Variants in BCL2L14 observed in about 807,000 individuals in gnomAD.
The protein encoded by BCL2L14 is BCL2 like 14.
BCL2L14 carries 27 observed loss-of-function variants against 35.3 expected under a neutral mutation model. The ratio of observed to expected loss-of-function variants is 0.76; its 90% CI spans 0.56 to 1.05. BCL2L14 has a LOEUF of 1.05. Among genes scored for constraint, BCL2L14 ranks in the 50% least tolerant of loss-of-function variants. BCL2L14 has a pLI of 0.00. For synonymous variants in BCL2L14, 139 were observed against 145.9 expected, an observed-to-expected ratio of 0.95 and a Z score of 0.34; for missense variants, 377 against 382.6, an observed-to-expected ratio of 0.99 and a Z score of 0.12.
intron 2 of BCL2L14, chr12:12,055,497 AGACCCGC>A (rs1948417925): frequency 6.6e-6 from 1 of 152,172 alleles, no homozygotes; most frequent in Non-Finnish European, 1.5e-5. Flanking sequence ...ACGGTTTTTG[AGACCCGC>A]CAACTTGCTG....
chr12:12,065,026 A>G (rs1478569082), intron 2 of BCL2L14, among the ~76,000 whole-genome samples: 1 of 152,228 alleles, frequency 6.6e-6, no homozygotes, highest in Non-Finnish European at 1.5e-5. Flanking sequence ...ATAGGGGAGA[A>G]GAAAATTTAT....
At chr12:12,064,580 G>A (rs1162220578) in intron 2 of BCL2L14, among the ~76,000 whole-genome samples, 2 of 152,138 alleles carry the variant, frequency 1.3e-5, no homozygotes, top group African/African-American at 2.4e-5. Context: ...ACAACAGCAT[G>A]CCTATCTTTA....
chr12:12,064,715 C>T (rs576089578), intron 2 of BCL2L14, among the ~76,000 whole-genome samples: 2 of 152,304 alleles, frequency 1.3e-5, no homozygotes, highest in Admixed American at 6.5e-5. Flanking sequence ...GCCTCTTTGT[C>T]AGCCAAATGC....
At chr12:12,056,617 T>G (rs915830040) in intron 2 of BCL2L14, among the ~76,000 whole-genome samples, 1 of 152,216 alleles carries the variant, frequency 6.6e-6, no homozygotes, top group Non-Finnish European at 1.5e-5. Context: ...GCGGATCAAC[T>G]GAGGTCAGGA....
chr12:12,080,952 G>A lies in BCL2L14; in HGVS notation c.433+1214G>A, dbSNP rs187037602. On this transcript the variant is annotated intron_variant, in intron 2 of 5. Transcript: ENST00000308721. ...TAATCCCAGCACTTTGGGAGGCCAAGGTGGGTGGATCGGTTGAGCTCAGGA... is the reference window on the plus strand; with the variant it reads ...TAATCCCAGCACTTTGGGAGGCCAAAGTGGGTGGATCGGTTGAGCTCAGGA... 3.3e-5 allele frequency among the ~76,000 whole-genome samples: 5 copies of A among 152,324 alleles called. No homozygotes were observed. The East Asian group carries it at 7.7e-4, about 23-fold the overall frequency.
At chr12:12,052,466 T>C (rs1030953973) in intron 2 of BCL2L14, among the ~76,000 whole-genome samples, 1 of 152,244 alleles carries the variant, frequency 6.6e-6, no homozygotes, top group African/African-American at 2.4e-5. Context: ...AGTGAGATCG[T>C]GCAATATTTG....
chr12:12,096,229 T>C (rs1949309044), intron 5 of BCL2L14: 7 of 891,566 alleles, frequency 7.9e-6, no homozygotes, highest in Non-Finnish European at 9.4e-6. Context: ...GTCCTCTTAA[T>C]ATATTTTCTC....
chr12:12,061,509 AAGTT>A (rs1948525692), intron 2 of BCL2L14, among the ~76,000 whole-genome samples: 1 of 1,074 alleles, frequency 9.3e-4, no homozygotes, highest in Non-Finnish European at 4.5e-3. Context: ...CAAGCCTTAC[AAGTT>A]AGTTCAGGAT....
intron 1 of BCL2L14, chr12:12,050,034 T>C (rs1948324543): frequency 6.6e-6 from 1 of 152,150 alleles, no homozygotes; most frequent in South Asian, 2.1e-4. Context: ...TAAAATTTAA[T>C]GTGTGAAGGA....
At position 12,060,530 on chromosome 12, in the gene BCL2L14, A is replaced by T. The variant is rs1267540816; in HGVS notation, c.-272+8683A>T. On this transcript the variant is annotated intron_variant, in intron 2 of 3. Transcript: ENST00000461264. ...AACCTCGCCTTCAAGGTGTACAATA[A>T]TAGAAAAAAGTTGCAATTCCTTGCC... is the stretch of plus-strand genomic sequence containing the variant. Among the ~76,000 whole-genome samples the T allele has an allele frequency of 2.0e-5, 2 of 99,568 alleles. 1 individual carries two copies. The highest frequency in any genetic ancestry group is 4.2e-5 in the Non-Finnish European group (2 of 47,152). The allele number at this position is 99,568 out of a possible 152,430, so 65.3% of individuals were successfully genotyped here. A position where few individuals can be genotyped will look rare whatever the true frequency, so the allele number is the denominator to read the frequency against.
At chr12:12,052,120 T>C (rs1948365938) in intron 2 of BCL2L14, among the ~76,000 whole-genome samples, 1 of 152,202 alleles carries the variant, frequency 6.6e-6, no homozygotes, top group African/African-American at 2.4e-5. Flanking sequence ...TAACAAGTAG[T>C]AATAATACAT....
chr12:12,086,259 A>T (rs1234546486), intron 2 of BCL2L14, among the ~76,000 whole-genome samples: 1 of 152,196 alleles, frequency 6.6e-6, no homozygotes, highest in Non-Finnish European at 1.5e-5. Context: ...TCCAAGCTGC[A>T]GTGAGCTGTG....
Position 12,094,852 on chromosome 12 carries a change from G to T in BCL2L14, c.867G>T (p.Pro289=). Residue 289 remains proline (P), a synonymous_variant, in exon 5 of 6, where the codon CCG becomes CCT. Coordinates refer to ENST00000308721, the MANE Select transcript of BCL2L14 (RefSeq NM_138723.2). ...AGCTCACAGCTATTGACAACCACCC[G>T]ATGAACAGGGTCCTGGGCTTTGGCA... ...TAKLTAIDNH[P]MNRVLGFGTK... The T allele has an allele frequency of 6.2e-7, 1 of 1,614,172 alleles. No homozygotes were observed. Among genetic ancestry groups the T allele is most frequent in the Non-Finnish European group, 8.5e-7 (1 of 1,180,046 alleles).
intron 3 of BCL2L14, 103 bp from the exon 4 acceptor site, chr12:12,090,676 T>G: frequency 1.3e-6 from 1 of 755,532 alleles, no homozygotes; most frequent in Non-Finnish European, 2.1e-6. Context: ...AGCATGCCTC[T>G]TCCTCCAGCC....
At chr12:12,087,498 G>A in intron 3 of BCL2L14, 112 bp downstream of exon 3, 2 of 1,197,840 alleles carry the variant, frequency 1.7e-6, no homozygotes, top group Non-Finnish European at 2.4e-6. Flanking sequence ...CCTGGACTGA[G>A]GGCTTGACAG....
chr12:12,090,718 G>GA, intron 3 of BCL2L14, 61 bp from the exon 4 acceptor site: 1 of 1,399,984 alleles, frequency 7.1e-7, no homozygotes, highest in African/African-American at 1.4e-5. Context: ...ATTGTCCCTG[G>GA]AAAAATGTAA....
chr12:12,059,942 C>T (rs1187230155), intron 2 of BCL2L14, among the ~76,000 whole-genome samples: 1 of 151,994 alleles, frequency 6.6e-6, no homozygotes, highest in Non-Finnish European at 1.5e-5. Context: ...CACATCCGTC[C>T]CTCTCTAGTC....
intron 2 of BCL2L14, among the ~76,000 whole-genome samples, chr12:12,054,394 C>T (rs1357980807): frequency 2.0e-5 from 3 of 151,280 alleles, no homozygotes; most frequent in African/African-American, 4.9e-5. Flanking sequence ...ATCCCAGTTA[C>T]TTGGGAGGCT....
rs189199562 is a variant in BCL2L14 at position 12,072,789 on chromosome 12, G to A, written c.-8+1652G>A. ...TGATAATACTCGATCGCTGCTGCTT[G>A]AAAGTAAGACTTAGCTATACACTGA... On this transcript the variant is annotated intron_variant, in intron 1 of 5. Coordinates refer to ENST00000308721, the MANE Select transcript of BCL2L14 (RefSeq NM_138723.2). Among the ~76,000 whole-genome samples the A allele has an allele frequency of 2.5e-3, 381 of 152,312 alleles. 1 individual carries two copies. Among genetic ancestry groups the A allele is most frequent in the African/African-American group, 8.3e-3 (347 of 41,576 alleles).
Sources: allele counts gnomAD v4.1 joint callset (sites outside exome capture counted in the v4.1 genomes callset), GRCh38; gene constraint gnomAD v4.1.1; transcripts MANE v1.5; gene names NCBI Gene and HGNC (gene_info 2026-07-23, HGNC 2026-07-21).